Variants in TNFSF4 observed in about 807,000 individuals in gnomAD.
TNFSF4 encodes the protein TNF superfamily member 4.
A neutral mutation model predicts 7.3 loss-of-function variants in TNFSF4; 4 were observed. The ratio of observed to expected loss-of-function variants is 0.55; its 90% CI spans 0.27 to 1.25. The LOEUF (loss-of-function observed/expected upper bound fraction) is 1.25. TNFSF4 is among the 50% of genes most tolerant of loss of function. The probability of loss-of-function intolerance (pLI) is 0.12; values close to 1 mark genes in which losing one functional copy is unlikely to be tolerated. For missense variants in TNFSF4, 181 were observed against 208.8 expected (o/e 0.87, Z 0.82); for synonymous variants, 76 against 83.7 (o/e 0.91, Z 0.50).
chr1:173,418,456 C>T, the TNFSF4 span: 2 of 152,008 alleles, frequency 1.3e-5, no homozygotes, highest in Admixed American at 6.6e-5. Flanking sequence ...ATACCAGGGT[C>T]GGGTCCTGCT....
At chr1:173,322,409 G>A in the TNFSF4 span, among the ~76,000 whole-genome samples, 1 of 152,018 alleles carries the variant, frequency 6.6e-6, no homozygotes, top group South Asian at 2.1e-4. Flanking sequence ...ATGGGGGGTG[G>A]AGCCAAGATG....
chr1:173,441,055 T>A, the TNFSF4 span, among the ~76,000 whole-genome samples: 1 of 152,210 alleles, frequency 6.6e-6, no homozygotes, highest in African/African-American at 2.4e-5. Flanking sequence ...TTACTAAACC[T>A]CTGAGTGCAG....
At chr1:173,341,819 G>A in the TNFSF4 span, among the ~76,000 whole-genome samples, 2 of 152,210 alleles carry the variant, frequency 1.3e-5, no homozygotes, top group East Asian at 1.9e-4. Context: ...ATTGCTCTGT[G>A]CTGCATTGCA....
At chr1:173,293,977 G>A in the TNFSF4 span, among the ~76,000 whole-genome samples, 1 of 151,964 alleles carries the variant, frequency 6.6e-6, no homozygotes, top group East Asian at 1.9e-4. Flanking sequence ...AGGTTATGGA[G>A]AAATGGGAAT....
the TNFSF4 span, among the ~76,000 whole-genome samples, chr1:173,276,497 G>A: frequency 2.6e-5 from 4 of 152,108 alleles, no homozygotes; most frequent in Admixed American, 2.6e-4. Context: ...GGGAGTGAAT[G>A]AGCCTGACCT....
the TNFSF4 span, among the ~76,000 whole-genome samples, chr1:173,302,547 GA>G: frequency 6.6e-6 from 1 of 151,852 alleles, no homozygotes; most frequent in Non-Finnish European, 1.5e-5. Flanking sequence ...TTAAGGTAAT[GA>G]CTGACCCACA....
chr1:173,444,874 TA>T, the TNFSF4 span, among the ~76,000 whole-genome samples: 1 of 152,190 alleles, frequency 6.6e-6, no homozygotes, highest in South Asian at 2.1e-4. Context: ...ATTCTAGAGG[TA>T]AACTAGGTTT....
the TNFSF4 span, among the ~76,000 whole-genome samples, chr1:173,379,718 C>T: frequency 6.6e-6 from 1 of 152,164 alleles, no homozygotes; most frequent in Admixed American, 6.5e-5. Context: ...TTAGTCATGG[C>T]CCTCAGATAA....
the TNFSF4 span, among the ~76,000 whole-genome samples, chr1:173,288,269 A>G: frequency 6.6e-6 from 1 of 152,058 alleles, no homozygotes; most frequent in Non-Finnish European, 1.5e-5. Flanking sequence ...CCTAGGCAAC[A>G]TGGCAAAACT....
chr1:173,255,045 G>C, the TNFSF4 span, among the ~76,000 whole-genome samples: 3 of 152,236 alleles, frequency 2.0e-5, no homozygotes, highest in Non-Finnish European at 4.4e-5. Context: ...AGAAGTTGCT[G>C]GGGAAAGGGG....
intron 2 of TNFSF4, among the ~76,000 whole-genome samples, chr1:173,187,840 T>C (rs1374945022): frequency 1.3e-5 from 2 of 152,212 alleles, no homozygotes; most frequent in African/African-American, 2.4e-5. Flanking sequence ...ACACACCCTG[T>C]TCTGGCCCAT....
chr1:173,445,907 A>T, the TNFSF4 span, among the ~76,000 whole-genome samples: 2 of 152,200 alleles, frequency 1.3e-5, no homozygotes, highest in Non-Finnish European at 2.9e-5. Flanking sequence ...CTGAGATAAC[A>T]TTGGAAGTAT....
the TNFSF4 span, among the ~76,000 whole-genome samples, chr1:173,365,708 A>G: frequency 0.013 from 1,989 of 152,332 alleles, 45 homozygotes; most frequent in African/African-American, 0.046. Context: ...TAATTTAATC[A>G]TCAAACAAGC....
the TNFSF4 span, among the ~76,000 whole-genome samples, chr1:173,332,905 G>A: frequency 2.0e-5 from 3 of 152,104 alleles, no homozygotes; most frequent in African/African-American, 7.2e-5. Flanking sequence ...TTTCCATTGA[G>A]GAGGATATAG....
chr1:173,320,949 A>T, the TNFSF4 span, among the ~76,000 whole-genome samples: 2 of 152,206 alleles, frequency 1.3e-5, no homozygotes, highest in African/African-American at 4.8e-5. Flanking sequence ...GCTACCAGTG[A>T]CTTTCTTCCC....
the TNFSF4 span, among the ~76,000 whole-genome samples, chr1:173,405,411 C>T: frequency 6.6e-6 from 1 of 152,158 alleles, no homozygotes. Flanking sequence ...ATTCTTAGTT[C>T]ACAGGCCACA....
chr1:173,441,587 G>T, the TNFSF4 span, among the ~76,000 whole-genome samples: 3,540 of 152,212 alleles, frequency 0.023, 142 homozygotes, highest in African/African-American at 0.081. Context: ...TTGAGCCACT[G>T]CACTCCAGCC....
the TNFSF4 span, among the ~76,000 whole-genome samples, chr1:173,395,881 G>A: frequency 6.6e-6 from 1 of 152,042 alleles, no homozygotes; most frequent in African/African-American, 2.4e-5. Context: ...CCCACCCACA[G>A]TACAAGTGGC....
the TNFSF4 span, among the ~76,000 whole-genome samples, chr1:173,422,707 A>C: frequency 6.6e-6 from 1 of 152,224 alleles, no homozygotes; most frequent in Admixed American, 6.5e-5. Context: ...AAGTGTGTGC[A>C]GAGGAGGGGG....
Sources: gnomAD v4.1 joint callset for allele counts (sites outside exome capture counted in the v4.1 genomes callset) on GRCh38, gnomAD v4.1.1 for gene constraint, MANE v1.5 for transcripts, NCBI Gene and HGNC (gene_info 2026-07-23, HGNC 2026-07-21) for gene names.